MMP16: variants seen among roughly 807,000 people sequenced by gnomAD.
MMP16 encodes matrix metalloproteinase-16.
Under a neutral mutation model 67.8 loss-of-function variants are expected in MMP16, and 12 were observed. That is an observed-to-expected ratio of 0.18 (90% confidence interval 0.11 to 0.29). The LOEUF (loss-of-function observed/expected upper bound fraction) is 0.29, where lower values mean the gene tolerates loss of function less well. MMP16 is among the 10% of genes least tolerant of loss of function. The pLI is 1.00. For synonymous variants in MMP16, 249 were observed against 255.9 expected (o/e 0.97, Z 0.26); for missense variants, 475 against 765.7 (o/e 0.62, Z 4.48).
At chr8:88,086,687 G>T (rs747973415) in intron 6 of MMP16, among the ~76,000 whole-genome samples, 12 of 151,832 alleles carry the variant, frequency 7.9e-5, no homozygotes, top group Admixed American at 6.6e-4. Flanking sequence ...CCAGGTTCTT[G>T]TTGAGTATAG....
At chr8:88,059,597 G>A (rs2118234743) in intron 7 of MMP16, among the ~76,000 whole-genome samples, 1 of 152,208 alleles carries the variant, frequency 6.6e-6, no homozygotes, top group African/African-American at 2.4e-5. Flanking sequence ...ACATTCAGCT[G>A]ATTTCAATTC....
Position 88,070,545 on chromosome 8 carries a change from TG to T in MMP16, c.1222+4059del, listed in dbSNP as rs200377234. On this transcript the variant is annotated intron_variant, in intron 7 of 9. Transcript: ENST00000286614. ...TGACCAATACTCTTTCCAATACGTA[TG>T]GGGGTCCATCTGCTCATCTCTGGGC... is the stretch of plus-strand genomic sequence containing the variant. Among the ~76,000 whole-genome samples, 526 of 152,208 alleles carry T rather than the reference TG, an allele frequency of 3.5e-3. 2 individuals are homozygous for T. Among genetic ancestry groups the T allele is most frequent in the African/African-American group, 0.012 (487 of 41,542 alleles).
At chr8:88,264,717 G>A (rs1393781447) in intron 1 of MMP16, among the ~76,000 whole-genome samples, 2 of 152,096 alleles carry the variant, frequency 1.3e-5, no homozygotes, top group Non-Finnish European at 2.9e-5. Flanking sequence ...TGGGCCTTGG[G>A]CACAGCACAT....
rs1808616472 is a variant in MMP16, at chr8:88,161,235, G to A, written c.709+6434C>T. Among the ~76,000 whole-genome samples the A allele has an allele frequency of 2.0e-5, 3 of 152,132 alleles. No individual in the cohort carries two copies. The South Asian group carries it at 6.2e-4, about 32-fold the overall frequency. The stretch of plus-strand genomic sequence containing the variant: ...TGTCTGAATTTCAGAGCCTGTTACT[G>A]GTCTATTCAGAGATTCAACTTCTTC... On this transcript the variant is annotated intron_variant, in intron 4 of 9. Coordinates refer to ENST00000286614, the MANE Select transcript of MMP16 (RefSeq NM_005941.5).
At chr8:88,253,291 CCCTATT>C (rs1313240246) in intron 1 of MMP16, among the ~76,000 whole-genome samples, 1 of 152,104 alleles carries the variant, frequency 6.6e-6, no homozygotes, top group Non-Finnish European at 1.5e-5. Flanking sequence ...GAACATAACT[CCCTATT>C]CCTTAAGTGT....
At chr8:88,141,476 G>A (rs1808209883) in intron 4 of MMP16, among the ~76,000 whole-genome samples, 2 of 152,238 alleles carry the variant, frequency 1.3e-5, no homozygotes, top group African/African-American at 4.8e-5. Flanking sequence ...TGTGCCTGCT[G>A]TGCAGCCATC....
intron 6 of MMP16, among the ~76,000 whole-genome samples, chr8:88,097,431 G>T (rs966511291): frequency 4.6e-5 from 7 of 151,478 alleles, no homozygotes; most frequent in African/African-American, 1.7e-4. Context: ...TTCGGGAGCA[G>T]CTTAGACAAC....
chr8:88,239,647 T>A (rs1810003794), intron 1 of MMP16, among the ~76,000 whole-genome samples: 1 of 151,978 alleles, frequency 6.6e-6, no homozygotes, highest in East Asian at 1.9e-4. Context: ...ATGCTAAGAG[T>A]TTCATCTAAG....
chr8:88,224,259 C>T (rs1586213400), intron 1 of MMP16, among the ~76,000 whole-genome samples: 2 of 152,156 alleles, frequency 1.3e-5, no homozygotes, highest in East Asian at 3.9e-4. Flanking sequence ...CCAGTTTAAT[C>T]TTAATACCTC....
chr8:88,318,153 T>C (rs1438284310), intron 1 of MMP16, among the ~76,000 whole-genome samples: 2 of 152,210 alleles, frequency 1.3e-5, no homozygotes, highest in Non-Finnish European at 1.5e-5. Flanking sequence ...TCACTACATT[T>C]TCTGTATTGT....
intron 6 of MMP16, among the ~76,000 whole-genome samples, chr8:88,113,969 C>G (rs554514914): frequency 6.6e-6 from 1 of 151,938 alleles, no homozygotes; most frequent in African/African-American, 2.4e-5. Flanking sequence ...TTTCAGGTAA[C>G]AAAGTAAAAA....
chr8:88,134,201 A>G lies in MMP16; in HGVS notation c.710-15340T>C, dbSNP rs28907607. On this transcript the variant is annotated intron_variant, in intron 4 of 9. Transcript: ENST00000286614. Reference sequence around the variant, plus strand: ...CAATATGTCACCAATTCTAACAAAAATAATAACCATAAGCAATTGCTTTCA... The same window carrying G: ...CAATATGTCACCAATTCTAACAAAAGTAATAACCATAAGCAATTGCTTTCA... 7.8e-3 allele frequency among the ~76,000 whole-genome samples: 1,188 copies of G among 151,914 alleles called. 18 individuals are homozygous for G. The highest frequency in any genetic ancestry group is 0.075 in the Middle Eastern group (22 of 294).
intron 4 of MMP16, among the ~76,000 whole-genome samples, chr8:88,148,088 A>G (rs1371226359): frequency 6.6e-6 from 1 of 152,076 alleles, no homozygotes; most frequent in African/African-American, 2.4e-5. Flanking sequence ...TTTTCAACCA[A>G]TCCTAGCCTG....
intron 6 of MMP16, among the ~76,000 whole-genome samples, chr8:88,083,908 A>T (rs1278499861): frequency 2.0e-5 from 3 of 152,048 alleles, no homozygotes; most frequent in African/African-American, 7.2e-5. Flanking sequence ...AAAGAACAAA[A>T]CAAAAATTTT....
At chr8:88,259,377 G>A (rs1299040839) in intron 1 of MMP16, among the ~76,000 whole-genome samples, 1 of 152,086 alleles carries the variant, frequency 6.6e-6, no homozygotes, top group Non-Finnish European at 1.5e-5. Flanking sequence ...AAATGACAAT[G>A]TTCATACACT....
chr8:88,091,007 GCTT>G (rs1808924408), intron 6 of MMP16, among the ~76,000 whole-genome samples: 2 of 151,862 alleles, frequency 1.3e-5, no homozygotes, highest in South Asian at 4.1e-4. Flanking sequence ...CCTTCAAAAT[GCTT>G]TTTTGACCTA....
At chr8:88,050,001 G>A (rs908997497) in intron 8 of MMP16, among the ~76,000 whole-genome samples, 6 of 151,800 alleles carry the variant, frequency 4.0e-5, no homozygotes, top group Admixed American at 3.9e-4. Flanking sequence ...CTCCAGCAAG[G>A]GCAACAGAAT....
intron 1 of MMP16, among the ~76,000 whole-genome samples, chr8:88,312,440 T>C (rs1305901714): frequency 6.6e-6 from 1 of 152,202 alleles, no homozygotes; most frequent in Non-Finnish European, 1.5e-5. Flanking sequence ...ATATATTCAA[T>C]ATGCAATTTT....
intron 1 of MMP16, among the ~76,000 whole-genome samples, chr8:88,231,321 C>A (rs1384956586): frequency 1.3e-5 from 2 of 152,138 alleles, no homozygotes; most frequent in Non-Finnish European, 2.9e-5. Context: ...ATTAGTAATT[C>A]TTTATTCAAT....
Sources: gnomAD v4.1 joint callset for allele counts (sites outside exome capture counted in the v4.1 genomes callset) on GRCh38, gnomAD v4.1.1 for gene constraint, MANE v1.5 for transcripts, NCBI Gene and HGNC (gene_info 2026-07-23, HGNC 2026-07-21) for gene names.